Variants in POLR1D observed in about 807,000 individuals in gnomAD.
POLR1D encodes the protein RNA polymerase I and III subunit D, also known as DNA-directed RNA polymerases I and III subunit RPAC2.
Under a neutral mutation model 10.8 loss-of-function variants are expected in POLR1D, and 8 were observed. The observed-to-expected ratio is 0.74, with a 90% CI of 0.43 to 1.33. The LOEUF is 1.33. Ranked by LOEUF, POLR1D falls within the 40% of genes most tolerant of loss-of-function variation. The probability of loss-of-function intolerance (pLI) is 0.01; values close to 1 mark genes in which losing one functional copy is unlikely to be tolerated. For missense variants in POLR1D, 152 were observed against 161.7 expected, an observed-to-expected ratio of 0.94 and a Z score of 0.32; for synonymous variants, 54 against 57.2, an observed-to-expected ratio of 0.94 and a Z score of 0.25.
intron 1 of POLR1D, among the ~76,000 whole-genome samples, chr13:27,638,108 T>C (rs1192300399): frequency 2.0e-5 from 3 of 152,204 alleles, no homozygotes; most frequent in Non-Finnish European, 4.4e-5. Context: ...TGCCTGGTGA[T>C]CAAGATGAGG....
chr13:27,656,189 A>G (rs1956307022), intron 2 of POLR1D, among the ~76,000 whole-genome samples: 2 of 152,252 alleles, frequency 1.3e-5, no homozygotes, highest in South Asian at 4.1e-4. Context: ...AAACTTCTAC[A>G]TAGAAAAAGA....
intron 1 of POLR1D, among the ~76,000 whole-genome samples, chr13:27,643,179 A>G (rs1956190618): frequency 6.6e-6 from 1 of 152,216 alleles, no homozygotes; most frequent in Non-Finnish European, 1.5e-5. Context: ...AATTCACCGT[A>G]TAAATCACAG....
At chr13:27,666,037 C>T in exon 3 of POLR1D, 15 of 1,250,694 alleles carry the variant, frequency 1.2e-5, no homozygotes, top group Non-Finnish European at 1.7e-5. Flanking sequence ...GCTGGCAGGG[C>T]AAACACCTGA....
intron 2 of POLR1D, among the ~76,000 whole-genome samples, chr13:27,659,251 C>T (rs569773358): frequency 1.8e-4 from 28 of 152,194 alleles, no homozygotes; most frequent in Non-Finnish European, 4.0e-4. Flanking sequence ...AAAGAAGACT[C>T]ACTTTCCTGG....
rs959771753 is a variant in POLR1D at position 27,663,879 on chromosome 13, C to T, written c.102-1807C>T. Among the ~76,000 whole-genome samples the T allele has an allele frequency of 3.9e-5, 6 of 152,180 alleles. No individual in the cohort carries two copies. Among genetic ancestry groups the T allele is most frequent in the African/African-American group, 1.4e-4 (6 of 41,454 alleles). On this transcript the variant is annotated intron_variant, in intron 2 of 2. Coordinates refer to the POLR1D transcript ENST00000399697. This position sits in a 1 kb window ranked among gnomAD's most constrained non-coding sequence, Gnocchi z 4.1. ...CAAGAGACATATGTAGTTCATTTGT[C>T]TATAAAAAAGATTTTGCTCTTGTAG...
chr13:27,662,368 C>A (rs1382305937), intron 2 of POLR1D, among the ~76,000 whole-genome samples: 1 of 151,862 alleles, frequency 6.6e-6, no homozygotes, highest in Non-Finnish European at 1.5e-5. Flanking sequence ...AGACACCCCC[C>A]CCACCACTAC....
In POLR1D at chr13:27,663,351, C is replaced by T. The variant is rs532344768; in HGVS notation, c.102-2335C>T. Among the ~76,000 whole-genome samples, 1 of 152,288 alleles carries T rather than the reference C, an allele frequency of 6.6e-6. No individual in the cohort carries two copies. The highest frequency in any genetic ancestry group is 2.1e-4 in the South Asian group (1 of 4,822). On this transcript the variant is annotated intron_variant, in intron 2 of 2. Transcript: ENST00000399697. This position sits in a 1 kb window ranked among gnomAD's most constrained non-coding sequence, Gnocchi z 4.1. ...TAAACCAAGATCTCCTCAGGCCACCCTTGGCTATTTACCTAGAATAGAATC... is the reference window on the plus strand; with the variant it reads ...TAAACCAAGATCTCCTCAGGCCACCTTTGGCTATTTACCTAGAATAGAATC...
chr13:27,636,885 A>G (rs1956129336), intron 1 of POLR1D, among the ~76,000 whole-genome samples: 1 of 152,188 alleles, frequency 6.6e-6, no homozygotes, highest in Admixed American at 6.5e-5. Context: ...AGTGGATGAG[A>G]TGGTCCTAAT....
chr13:27,628,369 T>A (rs1956038831), downstream of POLR1D, among the ~76,000 whole-genome samples: 2 of 152,234 alleles, frequency 1.3e-5, no homozygotes, highest in African/African-American at 2.4e-5. Flanking sequence ...TGCAGTTTAT[T>A]TTCTGATGGC....
chr13:27,660,357 G>C (rs772030270), intron 2 of POLR1D, among the ~76,000 whole-genome samples: 1 of 152,214 alleles, frequency 6.6e-6, no homozygotes, highest in Non-Finnish European at 1.5e-5. Flanking sequence ...TGGAAGATAC[G>C]CTATTTGCTA....
intron 1 of POLR1D, among the ~76,000 whole-genome samples, chr13:27,632,287 GGT>G (rs1314460038): frequency 2.6e-5 from 4 of 152,172 alleles, no homozygotes; most frequent in Non-Finnish European, 5.9e-5. Flanking sequence ...GGGAAAAAGT[GGT>G]AGGATTGTAG....
chr13:27,622,882 T>C lies in POLR1D; in HGVS notation c.34T>C (p.Ser12Pro), dbSNP rs1013753456. 18 of 1,603,336 alleles carry C rather than the reference T, an allele frequency of 1.1e-5. No individual in the cohort carries two copies. The highest frequency in any genetic ancestry group is 3.3e-5 in the Admixed American group (2 of 59,968). The change falls in exon 2 of 2, where the codon TCT (serine) becomes CCT (proline). Residue 12 changes from serine to proline, a missense_variant. Coordinates refer to ENST00000302979, the MANE Select transcript of POLR1D (RefSeq NM_015972.4). ...TAAAAAATATGTGTGTAGAAAAATA[T>C]CTGGATTGAAGACCTCAATGGCTGA... ...EEDQELERKI[S>P]GLKTSMAEGE... is the part of the protein sequence containing the mutation.
intron 2 of POLR1D, chr13:27,648,489 A>G: frequency 7.3e-7 from 1 of 1,364,316 alleles, no homozygotes; most frequent in Non-Finnish European, 1.0e-6. Context: ...AAAACTTAAG[A>G]AAAAATTCTT....
chr13:27,655,465 G>T (rs1483364935), intron 2 of POLR1D, among the ~76,000 whole-genome samples: 1 of 152,118 alleles, frequency 6.6e-6, no homozygotes, highest in South Asian at 2.1e-4. Flanking sequence ...TTTTGTTTGG[G>T]ATGCAGATTC....
At chr13:27,634,531 T>G (rs1191640149) in intron 1 of POLR1D, among the ~76,000 whole-genome samples, 2 of 152,142 alleles carry the variant, frequency 1.3e-5, no homozygotes, top group Non-Finnish European at 2.9e-5. Flanking sequence ...GGAAAACAAG[T>G]TTAATCCTCC....
At chr13:27,625,659 TAA>T (rs60864865), downstream of POLR1D, among the ~76,000 whole-genome samples, 2,406 of 142,036 alleles carry the variant, frequency 0.017, 74 homozygotes, top group African/African-American at 0.058. Flanking sequence ...ATAAATTGAT[TAA>T]AAAAAAAAAA....
rs547817350 is a variant in POLR1D, at chr13:27,647,263, A to G, written c.27-1116A>G. On this transcript the variant is annotated intron_variant, in intron 1 of 2. Coordinates refer to the POLR1D transcript ENST00000399697. ...GTTTTCTGTTTTTTTAACCTCTTCA[A>G]AAATTACACAAATAATACATGTTCA... 2.0e-5 allele frequency among the ~76,000 whole-genome samples: 3 copies of G among 152,206 alleles called. No individual in the cohort carries two copies. In the South Asian group the frequency reaches 6.2e-4, roughly 32 times the overall value.
chr13:27,623,134 T>C lies in POLR1D; in HGVS notation c.286T>C (p.Phe96Leu), dbSNP rs768334561. 2.5e-6 allele frequency: 4 copies of C among 1,614,090 alleles called. No homozygotes were observed. In the African/African-American group the frequency reaches 5.3e-5, roughly 22 times the overall value. ...TRGTLPAVEP[F>L]QRGLNELMNV... is the part of the protein sequence containing the mutation. ...AGGTACCCTTCCAGCTGTTGAGCCA[T>C]TTCAGAGAGGCCTGAATGAGCTCAT... The change falls in exon 2 of 2, where the codon TTT (phenylalanine) becomes CTT (leucine). Residue 96 changes from phenylalanine (F) to leucine (L), a missense_variant. Transcript: ENST00000302979.
chr13:27,639,928 G>A (rs1170196691), intron 1 of POLR1D, among the ~76,000 whole-genome samples: 3 of 152,158 alleles, frequency 2.0e-5, no homozygotes, highest in Non-Finnish European at 2.9e-5. Context: ...TAATAGAGCC[G>A]TAGTGTAAGG....
Sources: allele counts gnomAD v4.1 joint callset (sites outside exome capture counted in the v4.1 genomes callset), GRCh38; gene constraint gnomAD v4.1.1; non-coding constraint Gnocchi (gnomAD v3.1); transcripts MANE v1.5; gene names NCBI Gene and HGNC (gene_info 2026-07-23, HGNC 2026-07-21).